The following KIF16B variants were observed in gnomAD, a reference collection of about 807,000 sequenced individuals.
KIF16B encodes kinesin-like protein KIF16B.
A neutral mutation model predicts 156.3 loss-of-function variants in KIF16B; 98 were observed. That is an observed-to-expected ratio of 0.63 (90% CI 0.53 to 0.74). KIF16B has a LOEUF of 0.74. Ranked by LOEUF, KIF16B falls within the 30% of genes least tolerant of loss-of-function variation. KIF16B has a pLI of 0.00. For missense variants in KIF16B, 1,421 were observed against 1,606.5 expected (o/e 0.88, Z 1.97); for synonymous variants, 564 against 583.7 (o/e 0.97, Z 0.49).
chr20:16,456,871 T>A (rs1207726101), intron 12 of KIF16B, among the ~76,000 whole-genome samples: 1 of 152,198 alleles, frequency 6.6e-6, no homozygotes. Context: ...GCTCATCCAG[T>A]GTGGTAGGAC....
intron 24 of KIF16B, among the ~76,000 whole-genome samples, chr20:16,325,103 G>A (rs532689332): frequency 1.1e-4 from 17 of 151,972 alleles, no homozygotes; most frequent in Admixed American, 5.3e-4. Flanking sequence ...ATCCAGCATC[G>A]CTTTATGATT....
intron 3 of KIF16B, among the ~76,000 whole-genome samples, chr20:16,518,111 G>A (rs893093733): frequency 5.3e-5 from 8 of 152,144 alleles, no homozygotes; most frequent in African/African-American, 1.9e-4. Flanking sequence ...TCCAGGTCTG[G>A]AGGCGCAGAG....
intron 25 of KIF16B, among the ~76,000 whole-genome samples, chr20:16,274,004 A>C (rs988504051): frequency 1.3e-5 from 2 of 151,784 alleles, no homozygotes; most frequent in Admixed American, 1.3e-4. Flanking sequence ...CCACAGTGTC[A>C]CTAGTTAATC....
intron 12 of KIF16B, among the ~76,000 whole-genome samples, chr20:16,474,153 G>A (rs963098574): frequency 2.3e-4 from 35 of 151,992 alleles, no homozygotes; most frequent in Admixed American, 4.6e-4. Context: ...GCTACCCTCC[G>A]GGTCAACTCT....
chr20:16,350,150 A>C (rs529180286), intron 23 of KIF16B, among the ~76,000 whole-genome samples: 1 of 152,366 alleles, frequency 6.6e-6, no homozygotes, highest in South Asian at 2.1e-4. Context: ...AAATCAGGAA[A>C]GCTTTTGTCC....
chr20:16,311,469 C>G (rs1320564892), intron 25 of KIF16B, among the ~76,000 whole-genome samples: 1 of 152,196 alleles, frequency 6.6e-6, no homozygotes, highest in Non-Finnish European at 1.5e-5. Flanking sequence ...GCCTGGGCAA[C>G]AGAGCGAGAC....
intron 1 of KIF16B, among the ~76,000 whole-genome samples, chr20:16,550,748 T>A (rs1322182814): frequency 6.6e-6 from 1 of 151,992 alleles, no homozygotes; most frequent in Non-Finnish European, 1.5e-5. Context: ...TTGCTCAGGC[T>A]GGACTCAAAC....
intron 24 of KIF16B, among the ~76,000 whole-genome samples, chr20:16,318,318 GAATA>G (rs2063726698): frequency 6.6e-6 from 1 of 152,108 alleles, no homozygotes; most frequent in African/African-American, 2.4e-5. Flanking sequence ...GGAATTCAGA[GAATA>G]AATAGTCACG....
intron 23 of KIF16B, among the ~76,000 whole-genome samples, chr20:16,347,236 G>T (rs568148561): frequency 6.6e-6 from 1 of 152,212 alleles, no homozygotes; most frequent in South Asian, 2.1e-4. Context: ...CGTATCCATG[G>T]GTAGCAACTG....
chr20:16,573,304 T>G lies in KIF16B; in HGVS notation c.-29A>C. The stretch of plus-strand genomic sequence containing the variant: ...TCATCCCGAACCAGCCCGCGCGGGG[T>G]CCCACTAGCCCAGAACTCCGCGGTC... On this transcript the variant is annotated 5_prime_UTR_variant, in exon 1 of 26. Coordinates refer to ENST00000354981, the MANE Select transcript of KIF16B (RefSeq NM_024704.5). 6.2e-7 allele frequency: 1 copy of G among 1,608,200 alleles called. No individual in the cohort carries two copies. The highest frequency in any genetic ancestry group is 8.5e-7 in the Non-Finnish European group (1 of 1,178,272).
rs559147348 is a variant in KIF16B at position 16,552,306 on chromosome 20, T to C, written c.47+20923A>G. ...AATTGAGAACAGCTACATGTGCCTC[T>C]GAAAATAAACAAGTGGATAAAATCA... On this transcript the variant is annotated intron_variant, in intron 1 of 25. Coordinates refer to ENST00000354981, the MANE Select transcript of KIF16B (RefSeq NM_024704.5). Among the ~76,000 whole-genome samples the C allele has an allele frequency of 3.3e-5, 5 of 152,346 alleles. No individual in the cohort carries two copies. The South Asian group carries it at 1.0e-3, about 32-fold the overall frequency.
intron 12 of KIF16B, among the ~76,000 whole-genome samples, chr20:16,488,824 G>C (rs547216167): frequency 1.6e-4 from 25 of 152,296 alleles, no homozygotes; most frequent in African/African-American, 5.3e-4. Flanking sequence ...TCACACTGAG[G>C]CAGCATTCTA....
At chr20:16,368,438 G>A (rs867264896) in intron 22 of KIF16B, 8 of 986,466 alleles carry the variant, frequency 8.1e-6, no homozygotes, top group Middle Eastern at 5.2e-4. Context: ...AAGTGCTTCA[G>A]AAATGGCAGG....
chr20:16,319,297 G>C (rs535057231), intron 24 of KIF16B, among the ~76,000 whole-genome samples: 3 of 152,288 alleles, frequency 2.0e-5, no homozygotes, highest in African/African-American at 7.2e-5. Flanking sequence ...ACTAATGGCA[G>C]ATGTTAATAC....
At chr20:16,569,779 A>T (rs2071390497) in intron 1 of KIF16B, among the ~76,000 whole-genome samples, 1 of 152,248 alleles carries the variant, frequency 6.6e-6, no homozygotes, top group Non-Finnish European at 1.5e-5. Flanking sequence ...GTGACTTTTT[A>T]AAATTACCTA....
At chr20:16,480,361 A>G (rs796230244) in intron 12 of KIF16B, among the ~76,000 whole-genome samples, 4 of 152,294 alleles carry the variant, frequency 2.6e-5, no homozygotes, top group African/African-American at 9.6e-5. Flanking sequence ...AGAAATCCTC[A>G]AGAGTTCACC....
chr20:16,293,974 C>CTAAAATTTTT (rs1275950570), intron 25 of KIF16B, among the ~76,000 whole-genome samples: 1 of 151,802 alleles, frequency 6.6e-6, no homozygotes, highest in South Asian at 2.1e-4. Flanking sequence ...TTAACAGCAC[C>CTAAAATTTTT]TAAAATTTTT....
chr20:16,435,551 G>A (rs1413640678), intron 12 of KIF16B, among the ~76,000 whole-genome samples: 2 of 152,168 alleles, frequency 1.3e-5, no homozygotes, highest in Non-Finnish European at 2.9e-5. Context: ...CTTCTGATCT[G>A]CAGACTCAGT....
chr20:16,442,939 G>A (rs990946041), intron 12 of KIF16B, among the ~76,000 whole-genome samples: 3 of 152,172 alleles, frequency 2.0e-5, no homozygotes, highest in Non-Finnish European at 2.9e-5. Context: ...GGCAAGGCAC[G>A]CTGGTGAGTA....
Sources: allele counts gnomAD v4.1 joint callset (sites outside exome capture counted in the v4.1 genomes callset), GRCh38; gene constraint gnomAD v4.1.1; transcripts MANE v1.5; gene names NCBI Gene and HGNC (gene_info 2026-07-23, HGNC 2026-07-21).